The following PPP1R3G variants were observed in gnomAD, a reference collection of about 807,000 sequenced individuals.
PPP1R3G encodes the protein protein phosphatase 1 regulatory subunit 3G.
In PPP1R3G, 3 loss-of-function variants were observed where a neutral mutation model predicts 2.0. That is an observed-to-expected ratio of 1.47 (90% CI 0.67 to 3.81). The LOEUF is 3.81. Among genes scored for constraint, PPP1R3G ranks in the 30% most tolerant of loss-of-function variants. PPP1R3G has a pLI of 0.02. For synonymous variants in PPP1R3G, 267 were observed against 250.9 expected, an observed-to-expected ratio of 1.06 and a Z score of -0.61; for missense variants, 595 against 517.0, an observed-to-expected ratio of 1.15 and a Z score of -1.46.
At position 5,085,685 on chromosome 6, in the gene PPP1R3G, C is replaced by G. The variant is rs1361934722; in HGVS notation, c.200C>G (p.Pro67Arg). Residue 67 changes from proline (P) to arginine (R), a missense_variant, in exon 1 of 1, where the codon CCC (proline) becomes CGC (arginine). Pro to Arg is a moderately radical substitution (Grantham distance 103). Coordinates refer to ENST00000405617, the MANE Select transcript of PPP1R3G (RefSeq NM_001145115.3). ...CTGTCCCCGAAGGAAGAGGCCGCCC[C>G]CCAGGAGCAGGAGGAGCTGCTGGAA... is the stretch of plus-strand genomic sequence containing the variant. ...RPLSPKEEAA[P>R]QEQEELLECR... The G allele has an allele frequency of 6.5e-7, 1 of 1,548,132 alleles. No individual in the cohort carries two copies. The highest frequency in any genetic ancestry group is 2.4e-5 in the East Asian group (1 of 40,836).
rs940594686 is a variant in PPP1R3G, at chr6:5,089,234, T to C, written c.*2672T>C. 6.6e-6 allele frequency: 1 copy of C among 152,206 alleles called. No homozygotes were observed. The highest frequency in any genetic ancestry group is 2.4e-5 in the African/African-American group (1 of 41,454). 9.4% of individuals were successfully genotyped at this position (152,206 alleles called of 1,614,324 possible). ...ATGAAACAATTTTTCTGTTACTAAA[T>C]ATAAAAGCTATGAAGCCTTCTGATG... is the stretch of plus-strand genomic sequence containing the variant. On this transcript the variant is annotated 3_prime_UTR_variant, in exon 1 of 1. Transcript: ENST00000405617.
In PPP1R3G at chr6:5,089,245, T is replaced by G; in HGVS notation, c.*2683T>G. Reference sequence around the variant, plus strand: ...TTTCTGTTACTAAATATAAAAGCTATGAAGCCTTCTGATGCATCATCAGGT... The same window carrying G: ...TTTCTGTTACTAAATATAAAAGCTAGGAAGCCTTCTGATGCATCATCAGGT... On this transcript the variant is annotated 3_prime_UTR_variant, in exon 1 of 1. Transcript: ENST00000405617. The G allele has an allele frequency of 6.6e-6, 1 of 152,212 alleles. No homozygotes were observed. The highest frequency in any genetic ancestry group is 1.9e-4 in the East Asian group (1 of 5,202). The allele number at this position is 152,212 out of a possible 1,614,324, so 9.4% of individuals were successfully genotyped here.
chr6:5,086,663 G>A lies in PPP1R3G; in HGVS notation c.*101G>A. Reference sequence around the variant, plus strand: ...GCTGGGACGCTTTGCTGAGCGTGGCGAGTCTGGCGTGAGGGGCGCGTGGAG... The same window carrying A: ...GCTGGGACGCTTTGCTGAGCGTGGCAAGTCTGGCGTGAGGGGCGCGTGGAG... On this transcript the variant is annotated 3_prime_UTR_variant, in exon 1 of 1. Transcript: ENST00000405617. 1.9e-6 allele frequency: 2 copies of A among 1,033,828 alleles called. No individual in the cohort carries two copies. The highest frequency in any genetic ancestry group is 2.7e-6 in the Non-Finnish European group (2 of 731,290). 64.0% of individuals were successfully genotyped at this position (1,033,828 alleles called of 1,614,324 possible).
Position 5,086,014 on chromosome 6 carries a change from C to A in PPP1R3G, c.529C>A (p.Leu177Ile), listed in dbSNP as rs1248429504. The A allele has an allele frequency of 5.3e-6, 8 of 1,501,232 alleles. No homozygotes were observed. The highest frequency in any genetic ancestry group is 7.1e-6 in the Non-Finnish European group (8 of 1,132,030). 93.0% of individuals were successfully genotyped at this position (1,501,232 alleles called of 1,614,324 possible). ...FPMRAEDLEQLGGLLAAAAVA... is the reference protein window; with the variant it reads ...FPMRAEDLEQIGGLLAAAAVA... ...TATGCGTGCCGAGGACCTGGAGCAG[C>A]TCGGGGGGCTGCTGGCCGCGGCGGC... Residue 177 changes from leucine (L) to isoleucine (I), a missense_variant, in exon 1 of 1, where the codon CTC becomes ATC. Physicochemically the swap from Leu to Ile is conservative, Grantham distance 5. Transcript: ENST00000405617.
In PPP1R3G at chr6:5,088,089, T is replaced by G. The variant is rs1039740643; in HGVS notation, c.*1527T>G. On this transcript the variant is annotated 3_prime_UTR_variant, in exon 1 of 1. Transcript: ENST00000405617. ...TAGTTTTTACATTTTTATTTTTAAT[T>G]TAATTTTCTTATTATTATTTTTCGA... is the stretch of plus-strand genomic sequence containing the variant. The G allele has an allele frequency of 9.2e-5, 14 of 151,702 alleles. No individual in the cohort carries two copies. Among genetic ancestry groups the G allele is most frequent in the African/African-American group, 3.2e-4 (13 of 40,990 alleles). 9.4% of individuals were successfully genotyped at this position (151,702 alleles called of 1,614,324 possible). A position where few individuals can be genotyped will look rare whatever the true frequency, so the allele number is the denominator to read the frequency against.
rs975782299 is a variant in PPP1R3G at position 5,086,051 on chromosome 6, C to G, written c.566C>G (p.Pro189Arg). 1 of 1,482,112 alleles carries G rather than the reference C, an allele frequency of 6.7e-7. No homozygotes were observed. Among genetic ancestry groups the G allele is most frequent in the Admixed American group, 2.3e-5 (1 of 43,434 alleles). 91.8% of individuals were successfully genotyped at this position (1,482,112 alleles called of 1,614,324 possible). A position where few individuals can be genotyped will look rare whatever the true frequency, so the allele number is the denominator to read the frequency against. Residue 189 changes from proline (P) to arginine (R), a missense_variant, in exon 1 of 1, where the codon CCC becomes CGC. Coordinates refer to ENST00000405617, the MANE Select transcript of PPP1R3G (RefSeq NM_001145115.3). ...CTGGCCGCGGCGGCAGTGGCCGCGCCCCTTTCAGCGCCGCCTTCCCGGCTC... is the reference window on the plus strand; with the variant it reads ...CTGGCCGCGGCGGCAGTGGCCGCGCGCCTTTCAGCGCCGCCTTCCCGGCTC... ...GLLAAAAVAA[P>R]LSAPPSRLRP...
rs550584167 is a variant in PPP1R3G at position 5,086,272 on chromosome 6, G to C, written c.787G>C (p.Val263Leu). 1.3e-6 allele frequency: 2 copies of C among 1,535,562 alleles called. No individual in the cohort carries two copies. Among genetic ancestry groups the C allele is most frequent in the African/African-American group, 2.7e-5 (2 of 73,152 alleles). The stretch of plus-strand genomic sequence containing the variant: ...TACCGAGTGGCGCTCCTTCCTGGAC[G>C]TGCCGGCTGAGCTGCAGCCCGAGCC... ...TFTEWRSFLD[V>L]PAELQPEPLE... Residue 263 changes from valine (V) to leucine (L), a missense_variant, in exon 1 of 1, where the codon GTG (valine) becomes CTG (leucine). Transcript: ENST00000405617.
In PPP1R3G at chr6:5,086,276, C is replaced by T. The variant is rs1016432915; in HGVS notation, c.791C>T (p.Pro264Leu). Residue 264 changes from proline (P) to leucine (L), a missense_variant, in exon 1 of 1, where the codon CCG becomes CTG. By Grantham distance (98) the Pro-to-Leu change is moderately conservative. Transcript: ENST00000405617. The part of the protein sequence containing the change: ...FTEWRSFLDV[P>L]AELQPEPLEP... ...GAGTGGCGCTCCTTCCTGGACGTGC[C>T]GGCTGAGCTGCAGCCCGAGCCGCTG... 2 of 1,535,532 alleles carry T rather than the reference C, an allele frequency of 1.3e-6. No individual in the cohort carries two copies. The highest frequency in any genetic ancestry group is 2.0e-5 in the Admixed American group (1 of 51,000).
rs1401164624 is a variant in PPP1R3G, at chr6:5,087,384, C to T, written c.*822C>T. The T allele has an allele frequency of 6.6e-6, 1 of 152,278 alleles. No individual in the cohort carries two copies. Among genetic ancestry groups the T allele is most frequent in the Admixed American group, 6.5e-5 (1 of 15,294 alleles). 9.4% of individuals were successfully genotyped at this position (152,278 alleles called of 1,614,324 possible). On this transcript the variant is annotated 3_prime_UTR_variant, in exon 1 of 1. Transcript: ENST00000405617. The stretch of plus-strand genomic sequence containing the variant: ...CCTCTCTACTGCGAAAGGGCCCAAA[C>T]TTCCCATGTGCTTTAAAATGTTCTG...
Position 5,085,473 on chromosome 6 carries a change from G to A in PPP1R3G, c.-13G>A. The A allele has an allele frequency of 6.5e-7, 1 of 1,527,766 alleles. No homozygotes were observed. The highest frequency in any genetic ancestry group is 8.8e-7 in the Non-Finnish European group (1 of 1,141,170). The allele number at this position is 1,527,766 out of a possible 1,614,324, so 94.6% of individuals were successfully genotyped here. On this transcript the variant is annotated 5_prime_UTR_variant, in exon 1 of 1. Coordinates refer to ENST00000405617, the MANE Select transcript of PPP1R3G (RefSeq NM_001145115.3). Reference sequence around the variant, plus strand: ...CCGGTTCGGCCCGAGCAAGTCCAGGGGCGAACGGCGTCATGGAGCCCATAG... The same window carrying A: ...CCGGTTCGGCCCGAGCAAGTCCAGGAGCGAACGGCGTCATGGAGCCCATAG...
Position 5,085,495 on chromosome 6 carries a change from A to G in PPP1R3G, c.10A>G (p.Ile4Val). Residue 4 changes from isoleucine to valine, a missense_variant, in exon 1 of 1, where the codon ATA (isoleucine) becomes GTA (valine). Coordinates refer to ENST00000405617, the MANE Select transcript of PPP1R3G (RefSeq NM_001145115.3). MEP[I>V]GARLSLEAPG... ...AGGGGCGAACGGCGTCATGGAGCCC[A>G]TAGGGGCGCGGCTAAGTTTGGAGGC... The G allele has an allele frequency of 6.5e-7, 1 of 1,535,718 alleles. No homozygotes were observed. The highest frequency in any genetic ancestry group is 8.7e-7 in the Non-Finnish European group (1 of 1,145,560).
rs1762080457 is a variant in PPP1R3G, at chr6:5,087,727, G to A, written c.*1165G>A. ...GAGTCAGTGCTGCGCAGACGCAGAT[G>A]GCCACCTCTGCAGGCCCGTTGGGTG... On this transcript the variant is annotated 3_prime_UTR_variant, in exon 1 of 1. Coordinates refer to ENST00000405617, the MANE Select transcript of PPP1R3G (RefSeq NM_001145115.3). 1 of 152,442 alleles carries A rather than the reference G, an allele frequency of 6.6e-6. No individual in the cohort carries two copies. The highest frequency in any genetic ancestry group is 1.5e-5 in the Non-Finnish European group (1 of 68,188). The allele number at this position is 152,442 out of a possible 1,614,324, so 9.4% of individuals were successfully genotyped here. A position where few individuals can be genotyped will look rare whatever the true frequency, so the allele number is the denominator to read the frequency against.
Position 5,085,735 on chromosome 6 carries a change from T to TCCTTTTCCTTGCCCGCC in PPP1R3G, c.251_267dup (p.Asp90ProfsTer57). On this transcript the variant is annotated frameshift_variant, in exon 1 of 1. Coordinates refer to ENST00000405617, the MANE Select transcript of PPP1R3G (RefSeq NM_001145115.3). LOFTEE classifies it low-confidence loss of function (END_TRUNC). ...ATGCCGCCGCCGCTGCCGCGCGCGC[T>TCCTTTTCCTTGCCCGCC]CCTTTTCCTTGCCCGCCGACCCCAT... is the stretch of plus-strand genomic sequence containing the variant. 4.5e-6 allele frequency: 7 copies of TCCTTTTCCTTGCCCGCC among 1,542,514 alleles called. No individual in the cohort carries two copies. Among genetic ancestry groups the TCCTTTTCCTTGCCCGCC allele is most frequent in the Non-Finnish European group, 6.1e-6 (7 of 1,144,604 alleles).
rs1272952851 is a variant in PPP1R3G at position 5,086,757 on chromosome 6, G to T, written c.*195G>T. The T allele has an allele frequency of 8.4e-6, 5 of 593,240 alleles. No individual in the cohort carries two copies. The highest frequency in any genetic ancestry group is 1.5e-5 in the Non-Finnish European group (5 of 337,348). The allele number at this position is 593,240 out of a possible 1,614,324, so 36.7% of individuals were successfully genotyped here. A position where few individuals can be genotyped will look rare whatever the true frequency, so the allele number is the denominator to read the frequency against. ...ACAAGTGAGCGAGCTTAGAGAGCCC[G>T]GGCAATGCTCCGAAAGCCTCTGACC... On this transcript the variant is annotated 3_prime_UTR_variant, in exon 1 of 1. Coordinates refer to ENST00000405617, the MANE Select transcript of PPP1R3G (RefSeq NM_001145115.3).
In PPP1R3G at chr6:5,088,259, T is replaced by A. The variant is rs1349632135; in HGVS notation, c.*1697T>A. The A allele has an allele frequency of 6.6e-6, 1 of 152,148 alleles. No homozygotes were observed. The highest frequency in any genetic ancestry group is 2.4e-5 in the African/African-American group (1 of 41,416). The allele number at this position is 152,148 out of a possible 1,614,324, so 9.4% of individuals were successfully genotyped here. ...ACAGGCATCTGCCACCACACCTGGC[T>A]AATTTTTGTATTTTTGGTAGAGACA... On this transcript the variant is annotated 3_prime_UTR_variant, in exon 1 of 1. Transcript: ENST00000405617.
Position 5,086,615 on chromosome 6 carries a change from C to G in PPP1R3G, c.*53C>G, listed in dbSNP as rs1257606488. 3 of 1,370,780 alleles carry G rather than the reference C, an allele frequency of 2.2e-6. No homozygotes were observed. The highest frequency in any genetic ancestry group is 2.9e-6 in the Non-Finnish European group (3 of 1,032,508). The allele number at this position is 1,370,780 out of a possible 1,614,324, so 84.9% of individuals were successfully genotyped here. The stretch of plus-strand genomic sequence containing the variant: ...GCGGGGTTGATTAGCACGTGGAGCT[C>G]GGGCTGCCGCCTCAAGGAACTTGCT... On this transcript the variant is annotated 3_prime_UTR_variant, in exon 1 of 1. Coordinates refer to ENST00000405617, the MANE Select transcript of PPP1R3G (RefSeq NM_001145115.3).
chr6:5,089,289 C>T lies in PPP1R3G; in HGVS notation c.*2727C>T, dbSNP rs947865894. The T allele has an allele frequency of 2.0e-5, 3 of 152,162 alleles. No homozygotes were observed. The East Asian group carries it at 5.8e-4, about 29-fold the overall frequency. 9.4% of individuals were successfully genotyped at this position (152,162 alleles called of 1,614,324 possible). On this transcript the variant is annotated 3_prime_UTR_variant, in exon 1 of 1. Coordinates refer to ENST00000405617, the MANE Select transcript of PPP1R3G (RefSeq NM_001145115.3). ...ATCAGGTAATCTTGGTCTGATATAC[C>T]ATTTCTTAAAAGTACATTATTGCAT... is the stretch of plus-strand genomic sequence containing the variant.
At position 5,086,096 on chromosome 6, in the gene PPP1R3G, CG is replaced by C; in HGVS notation, c.615del (p.Pro206ArgfsTer28). 2 of 1,467,102 alleles carry C rather than the reference CG, an allele frequency of 1.4e-6. No individual in the cohort carries two copies. Among genetic ancestry groups the C allele is most frequent in the East Asian group, 2.8e-5 (1 of 35,760 alleles). The allele number at this position is 1,467,102 out of a possible 1,614,324, so 90.9% of individuals were successfully genotyped here. ...CGGCTCCGGCCGCTCTTCCAGCTCC[CG>C]GGGCCGAGCGCCGCGGCCGAGCGTC... ...PSRLRPLFQLPGPSAAAERLQ... is the reference protein window; with the variant it reads ...PSRLRPLFQLXGPSAAAERLQ... On this transcript the variant is annotated frameshift_variant, in exon 1 of 1. Transcript: ENST00000405617. LOFTEE classifies it low-confidence loss of function (END_TRUNC).
At position 5,086,461 on chromosome 6, in the gene PPP1R3G, C is replaced by A. The variant is rs1172276892; in HGVS notation, c.976C>A (p.His326Asn). 3.3e-6 allele frequency: 5 copies of A among 1,536,954 alleles called. No individual in the cohort carries two copies. In the African/African-American group the frequency reaches 5.5e-5, roughly 17 times the overall value. The change falls in exon 1 of 1, where the codon CAC becomes AAC. Residue 326 changes from histidine (H) to asparagine (N), a missense_variant. His to Asn is a moderately conservative substitution (Grantham distance 68, BLOSUM62 1). Transcript: ENST00000405617. ...CGCCGACGAGCGCGGCGTCGCGGTC[C>A]ACTTCGCTGTCTGCTACCGCTGCGC... ...EDADERGVAV[H>N]FAVCYRCAQG...
Sources: allele counts gnomAD v4.1 joint callset, GRCh38; gene constraint gnomAD v4.1.1; transcripts MANE v1.5; gene names NCBI Gene and HGNC (gene_info 2026-07-23, HGNC 2026-07-21).